PTPRO: variants seen among roughly 807,000 people sequenced by gnomAD.
PTPRO encodes the protein receptor-type tyrosine-protein phosphatase O.
PTPRO carries 62 observed loss-of-function variants against 145.2 expected under a neutral mutation model. The observed-to-expected ratio is 0.43, with a 90% CI of 0.35 to 0.53. The LOEUF (loss-of-function observed/expected upper bound fraction) is 0.53. Among genes scored for constraint, PTPRO ranks in the 20% least tolerant of loss-of-function variants. The pLI, the probability that PTPRO is intolerant of heterozygous loss-of-function variation, is 0.01. For missense variants in PTPRO, 1,345 were observed against 1,482.7 expected, an observed-to-expected ratio of 0.91 and a Z score of 1.53; for synonymous variants, 565 against 514.7, an observed-to-expected ratio of 1.10 and a Z score of -1.32.
At chr12:15,558,573 T>C (rs777603837) in intron 16 of PTPRO, among the ~76,000 whole-genome samples, 1 of 152,234 alleles carries the variant, frequency 6.6e-6, no homozygotes, top group Non-Finnish European at 1.5e-5. Flanking sequence ...GAAGCTAACA[T>C]GTACTACTTA....
chr12:15,515,721 CCATATTAGTT>C, intron 8 of PTPRO, 103 bp downstream of exon 8: 1 of 1,474,310 alleles, frequency 6.8e-7, no homozygotes, highest in East Asian at 2.3e-5. Flanking sequence ...TTTGGAAGGT[CCATATTAGTT>C]CATCCAATAT....
At chr12:15,378,345 T>C (rs887470357) in intron 1 of PTPRO, among the ~76,000 whole-genome samples, 13 of 151,890 alleles carry the variant, frequency 8.6e-5, no homozygotes, top group African/African-American at 3.1e-4. Flanking sequence ...GATAAGAAAA[T>C]ACACTATTAT....
intron 1 of PTPRO, among the ~76,000 whole-genome samples, chr12:15,423,191 G>A (rs996025794): frequency 1.3e-5 from 2 of 152,138 alleles, no homozygotes; most frequent in Non-Finnish European, 2.9e-5. Flanking sequence ...CTCACTAATT[G>A]CTGCAAACCT....
At chr12:15,548,522 A>G (rs989962201) in intron 13 of PTPRO, among the ~76,000 whole-genome samples, 6 of 138,738 alleles carry the variant, frequency 4.3e-5, no homozygotes, top group East Asian at 4.5e-4. Context: ...ATATGTGTGT[A>G]TATATATGTG....
chr12:15,578,751 C>T, intron 19 of PTPRO, 102 bp from the exon 20 acceptor site: 1 of 897,534 alleles, frequency 1.1e-6, no homozygotes, highest in Non-Finnish European at 1.8e-6. Flanking sequence ...GGAGCTACTG[C>T]AATGTCATAT....
At chr12:15,577,695 C>T (rs549812394) in intron 19 of PTPRO, among the ~76,000 whole-genome samples, 220 of 152,306 alleles carry the variant, frequency 1.4e-3, no homozygotes, top group African/African-American at 5.1e-3. Context: ...AAGATGCACA[C>T]TATGTGGGTA....
chr12:15,402,450 C>T (rs953859519), intron 1 of PTPRO, among the ~76,000 whole-genome samples: 1 of 151,798 alleles, frequency 6.6e-6, no homozygotes, highest in Non-Finnish European at 1.5e-5. Context: ...TTTGTAAAAT[C>T]TGTTTGCTTC....
At chr12:15,392,165 C>T (rs1018898121) in intron 1 of PTPRO, among the ~76,000 whole-genome samples, 8 of 152,114 alleles carry the variant, frequency 5.3e-5, no homozygotes, top group Non-Finnish European at 1.2e-4. Context: ...AGAAACCATA[C>T]AAATATATGT....
chr12:15,482,141 T>G (rs945827785), intron 1 of PTPRO, among the ~76,000 whole-genome samples: 17 of 149,982 alleles, frequency 1.1e-4, no homozygotes, highest in African/African-American at 4.2e-4. Context: ...ATAAAGAAAA[T>G]ATGGTGTGTG....
chr12:15,513,502 T>C (rs1942511809), intron 7 of PTPRO, among the ~76,000 whole-genome samples: 1 of 152,226 alleles, frequency 6.6e-6, no homozygotes, highest in Non-Finnish European at 1.5e-5. Context: ...TTTTGGTATA[T>C]GGCTCCTTTT....
chr12:15,408,210 C>CT (rs56321758), intron 1 of PTPRO, among the ~76,000 whole-genome samples: 7 of 150,886 alleles, frequency 4.6e-5, no homozygotes, highest in South Asian at 2.1e-4. Flanking sequence ...ATCACCTGTT[C>CT]TTTTTTTTTA....
intron 12 of PTPRO, 117 bp from the exon 13 acceptor site, chr12:15,546,452 T>C (rs1943290660): frequency 1.3e-6 from 2 of 1,519,764 alleles, no homozygotes; most frequent in Non-Finnish European, 1.8e-6. Flanking sequence ...ATAAAGTCTT[T>C]ATGGTGCTCT....
At chr12:15,548,965 C>T (rs957062976) in intron 13 of PTPRO, 129 bp from the exon 14 acceptor site, 3 of 1,041,278 alleles carry the variant, frequency 2.9e-6, no homozygotes, top group Admixed American at 3.8e-5. Context: ...AAACATTTTT[C>T]AATGCTATTC....
intron 1 of PTPRO, among the ~76,000 whole-genome samples, chr12:15,419,652 A>T (rs970095040): frequency 2.6e-5 from 4 of 151,616 alleles, no homozygotes; most frequent in African/African-American, 9.8e-5. Flanking sequence ...TTACTTGTTG[A>T]TGCCCTTCGA....
At chr12:15,349,497 G>A (rs541788737) in intron 1 of PTPRO, among the ~76,000 whole-genome samples, 237 of 152,354 alleles carry the variant, frequency 1.6e-3, no homozygotes, top group African/African-American at 5.5e-3. Context: ...AAGAAAGGAT[G>A]AGGTCTCTGT....
At chr12:15,422,481 A>G (rs545616424) in intron 1 of PTPRO, among the ~76,000 whole-genome samples, 2 of 152,308 alleles carry the variant, frequency 1.3e-5, no homozygotes, top group South Asian at 2.1e-4. Flanking sequence ...TATAGTAGGT[A>G]GAACCCAATA....
intron 1 of PTPRO, among the ~76,000 whole-genome samples, chr12:15,331,071 G>T (rs1169538008): frequency 1.3e-5 from 2 of 152,094 alleles, no homozygotes; most frequent in African/African-American, 4.8e-5. Context: ...GGAGTGAAGG[G>T]CAGTGGGCCG....
At chr12:15,378,770 G>T (rs1490482129) in intron 1 of PTPRO, among the ~76,000 whole-genome samples, 1 of 152,090 alleles carries the variant, frequency 6.6e-6, no homozygotes, top group Non-Finnish European at 1.5e-5. Context: ...TACAGAAGGG[G>T]AGAAAATATG....
rs953464908 is a variant in PTPRO, at chr12:15,322,927, C to T, written c.75+126C>T. The T allele has an allele frequency of 2.3e-5, 21 of 903,176 alleles. No homozygotes were observed. The highest frequency in any genetic ancestry group is 3.3e-5 in the Non-Finnish European group (20 of 600,212). 55.9% of individuals were successfully genotyped at this position (903,176 alleles called of 1,614,324 possible). A position where few individuals can be genotyped will look rare whatever the true frequency, so the allele number is the denominator to read the frequency against. ...TGGCCCAGCCGCGGGAAGCGCCTGC[C>T]GTGCAGCCTGGGCGCACGCTTTGTT... On this transcript the variant is annotated intron_variant, in intron 1 of 26. Transcript: ENST00000281171. The surrounding 1 kb of genome is among the most constrained non-coding windows in gnomAD (Gnocchi z 6.3).
Sources: gnomAD v4.1 joint callset for allele counts (sites outside exome capture counted in the v4.1 genomes callset) on GRCh38, gnomAD v4.1.1 for gene constraint, Gnocchi (gnomAD v3.1) non-coding constraint, MANE v1.5 for transcripts, NCBI Gene and HGNC (gene_info 2026-07-23, HGNC 2026-07-21) for gene names.